Variants in OR8D4 observed in about 807,000 individuals in gnomAD.
OR8D4 encodes the protein olfactory receptor 8D4.
For synonymous variants in OR8D4, 141 were observed against 134.8 expected (o/e 1.05, Z -0.32); for missense variants, 359 against 372.6 (o/e 0.96, Z 0.30).
At position 123,907,028 on chromosome 11, in the gene OR8D4, T is replaced by A. The variant is rs774478447; in HGVS notation, c.597T>A (p.Ile199=). ...CSSTYIDELL[I]FVIGGFNMVA... is the part of the protein sequence containing the mutation. ...GCACTTATATTGATGAGCTTTTGAT[T>A]TTTGTCATTGGTGGATTTAACATGG... The change falls in exon 2 of 2, where the codon ATT becomes ATA. Residue 199 remains isoleucine (I), a synonymous_variant. Coordinates refer to ENST00000641687, the MANE Select transcript of OR8D4 (RefSeq NM_001005197.2). 4.3e-6 allele frequency: 7 copies of A among 1,614,088 alleles called. No homozygotes were observed. The highest frequency in any genetic ancestry group is 5.1e-6 in the Non-Finnish European group (6 of 1,179,944).
At chr11:123,904,982 A>G (rs575281434) in intron 1 of OR8D4, among the ~76,000 whole-genome samples, 4 of 152,194 alleles carry the variant, frequency 2.6e-5, no homozygotes, top group Non-Finnish European at 5.9e-5. Context: ...TCTCAGAGAT[A>G]AGGCCATGAT....
chr11:123,907,020 C>G lies in OR8D4; in HGVS notation c.589C>G (p.Leu197Val). Reference sequence around the variant, plus strand: ...CTGCTCCAGCACTTATATTGATGAGCTTTTGATTTTTGTCATTGGTGGATT... The same window carrying G: ...CTGCTCCAGCACTTATATTGATGAGGTTTTGATTTTTGTCATTGGTGGATT... ...LSCSSTYIDE[L>V]LIFVIGGFNM... The change falls in exon 2 of 2, where the codon CTT (leucine) becomes GTT (valine). Residue 197 changes from leucine to valine, a missense_variant. Transcript: ENST00000641687. 1 of 1,614,016 alleles carries G rather than the reference C, an allele frequency of 6.2e-7. No homozygotes were observed.
chr11:123,908,626 T>A lies in OR8D4; in HGVS notation c.*1250T>A, dbSNP rs1240063697. 1 of 152,194 alleles carries A rather than the reference T, an allele frequency of 6.6e-6. No homozygotes were observed. Among genetic ancestry groups the A allele is most frequent in the Non-Finnish European group, 1.5e-5 (1 of 68,034 alleles). 9.4% of individuals were successfully genotyped at this position (152,194 alleles called of 1,614,324 possible). ...AAGATGATAGATAATACAGAGGTAG[T>A]TCAGTGAACAAACATAATTATAGAT... On this transcript the variant is annotated 3_prime_UTR_variant, in exon 2 of 2. Transcript: ENST00000641687.
chr11:123,906,489 C>G lies in OR8D4; in HGVS notation c.58C>G (p.Gln20Glu). The G allele has an allele frequency of 6.2e-7, 1 of 1,613,520 alleles. No homozygotes were observed. The highest frequency in any genetic ancestry group is 1.1e-5 in the South Asian group (1 of 90,976). ...GTTTCTTCTTTCAGGATTAACTGAACAAGCAGAGCTTCAGCTGCCCCTCTT... is the reference window on the plus strand; with the variant it reads ...GTTTCTTCTTTCAGGATTAACTGAAGAAGCAGAGCTTCAGCTGCCCCTCTT... ...TEFLLSGLTE[Q>E]AELQLPLFCL... The change falls in exon 2 of 2, where the codon CAA (glutamine) becomes GAA (glutamate). Residue 20 changes from glutamine (Q) to glutamate (E), a missense_variant. By Grantham distance (29) the Gln-to-Glu change is conservative. Coordinates refer to ENST00000641687, the MANE Select transcript of OR8D4 (RefSeq NM_001005197.2).
rs1863229133 is a variant in OR8D4, at chr11:123,909,088, G to A, written c.*1712G>A. 6.6e-6 allele frequency: 1 copy of A among 152,164 alleles called. No individual in the cohort carries two copies. Among genetic ancestry groups the A allele is most frequent in the African/African-American group, 2.4e-5 (1 of 41,446 alleles). 9.4% of individuals were successfully genotyped at this position (152,164 alleles called of 1,614,324 possible). ...GTATGTTTGTGGGAAGGGTTAGATA[G>A]GGAAAGATAGTGCTATTGGCCAGAG... is the stretch of plus-strand genomic sequence containing the variant. On this transcript the variant is annotated 3_prime_UTR_variant, in exon 2 of 2. Coordinates refer to ENST00000641687, the MANE Select transcript of OR8D4 (RefSeq NM_001005197.2).
chr11:123,904,027 C>T lies in OR8D4; in HGVS notation c.-16+1770C>T, dbSNP rs570037531. 6.6e-5 allele frequency among the ~76,000 whole-genome samples: 10 copies of T among 152,186 alleles called. No individual in the cohort carries two copies. In the East Asian group the frequency reaches 1.2e-3, roughly 18 times the overall value. Reference sequence around the variant, plus strand: ...TCTAGGAGAAAATAACTGAAAATAGCGCCTCTCAAATGTTAATGCACTCAC... The same window carrying T: ...TCTAGGAGAAAATAACTGAAAATAGTGCCTCTCAAATGTTAATGCACTCAC... On this transcript the variant is annotated intron_variant, in intron 1 of 1. Coordinates refer to ENST00000641687, the MANE Select transcript of OR8D4 (RefSeq NM_001005197.2).
chr11:123,905,882 G>A (rs1167801863), intron 1 of OR8D4, among the ~76,000 whole-genome samples: 1 of 152,112 alleles, frequency 6.6e-6, no homozygotes, highest in Non-Finnish European at 1.5e-5. Flanking sequence ...ACTATCACCA[G>A]ACACCTGCAA....
At position 123,902,259 on chromosome 11, in the gene OR8D4, T is replaced by A. The variant is rs560082669; in HGVS notation, c.-16+2T>A. On this transcript the variant is annotated splice_donor_variant, in intron 1 of 1. Transcript: ENST00000641687. LOFTEE classifies it low-confidence loss of function (5UTR_SPLICE). ...CCTACAGTCTTCAGGAGGAAAAAGG[T>A]GAGCTTCAGAATTATGATGTTCATA... The A allele has an allele frequency of 6.6e-6, 1 of 152,122 alleles. No homozygotes were observed. The highest frequency in any genetic ancestry group is 1.5e-5 in the Non-Finnish European group (1 of 68,012). The allele number at this position is 152,122 out of a possible 1,614,324, so 9.4% of individuals were successfully genotyped here.
chr11:123,906,337 A>G (rs1863197809), intron 1 of OR8D4, 80 bp from the exon 2 acceptor site: 13 of 870,068 alleles, frequency 1.5e-5, no homozygotes, highest in Non-Finnish European at 2.3e-5. Context: ...CAGTGTTTTC[A>G]TAGAGAGAAA....
chr11:123,905,863 C>A (rs1863194534), intron 1 of OR8D4, among the ~76,000 whole-genome samples: 1 of 152,162 alleles, frequency 6.6e-6, no homozygotes, highest in Admixed American at 6.5e-5. Context: ...CACAGTCTTC[C>A]TGCATCCAAC....
intron 1 of OR8D4, chr11:123,906,052 T>C (rs1863195849): frequency 5.5e-6 from 1 of 181,630 alleles, no homozygotes; most frequent in Non-Finnish European, 1.1e-5. Context: ...TTTTCCTACT[T>C]TCTCTAATTA....
chr11:123,906,700 G>C lies in OR8D4; in HGVS notation c.269G>C (p.Arg90Thr). The C allele has an allele frequency of 2.5e-6, 4 of 1,613,934 alleles. No individual in the cohort carries two copies. Among genetic ancestry groups the C allele is most frequent in the Non-Finnish European group, 3.4e-6 (4 of 1,179,818 alleles). ...CTATCAGGGTTTTTATGCAGAGATA[G>C]ATCCATCTCCTATTCTGGATGCATG... Reference protein sequence around the residue: ...KMLSGFLCRDRSISYSGCMIQ... With the variant: ...KMLSGFLCRDTSISYSGCMIQ... The change falls in exon 2 of 2, where the codon AGA becomes ACA. Residue 90 changes from arginine (R) to threonine (T), a missense_variant. Physicochemically the swap from Arg to Thr is moderately conservative, Grantham distance 71 (BLOSUM62 -1). Transcript: ENST00000641687.
chr11:123,906,926 G>A lies in OR8D4; in HGVS notation c.495G>A (p.Arg165=). The A allele has an allele frequency of 6.2e-7, 1 of 1,613,996 alleles. No homozygotes were observed. The highest frequency in any genetic ancestry group is 8.5e-7 in the Non-Finnish European group (1 of 1,179,946). ...DAVIHGGCIL[R]LSFCGSNIIK... ...TGATCCATGGAGGTTGTATACTCAGGTTGTCTTTCTGTGGATCAAACATCA... is the reference window on the plus strand; with the variant it reads ...TGATCCATGGAGGTTGTATACTCAGATTGTCTTTCTGTGGATCAAACATCA... Residue 165 remains arginine (R), a synonymous_variant, in exon 2 of 2, where the codon AGG becomes AGA. Coordinates refer to ENST00000641687, the MANE Select transcript of OR8D4 (RefSeq NM_001005197.2).
At chr11:123,903,258 G>C (rs1863175577) in intron 1 of OR8D4, among the ~76,000 whole-genome samples, 1 of 152,068 alleles carries the variant, frequency 6.6e-6, no homozygotes, top group Admixed American at 6.6e-5. Context: ...AGCATTCAGG[G>C]ATTTTGGTAT....
rs771666521 is a variant in OR8D4, at chr11:123,906,792, G to A, written c.361G>A (p.Asp121Asn). 5 of 1,613,494 alleles carry A rather than the reference G, an allele frequency of 3.1e-6. No homozygotes were observed. The East Asian group carries it at 6.7e-5, about 22-fold the overall frequency. The change falls in exon 2 of 2, where the codon GAT becomes AAT. Residue 121 changes from aspartate (D) to asparagine (N), a missense_variant. Coordinates refer to ENST00000641687, the MANE Select transcript of OR8D4 (RefSeq NM_001005197.2). ...ECYMLAAMACDRYVAICSPLL... is the reference protein window; with the variant it reads ...ECYMLAAMACNRYVAICSPLL... ...CTACATGCTGGCAGCCATGGCCTGCGATCGCTACGTGGCCATCTGCAGCCC... is the reference window on the plus strand; with the variant it reads ...CTACATGCTGGCAGCCATGGCCTGCAATCGCTACGTGGCCATCTGCAGCCC...
chr11:123,907,634 C>T lies in OR8D4; in HGVS notation c.*258C>T, dbSNP rs189045009. On this transcript the variant is annotated 3_prime_UTR_variant, in exon 2 of 2. Transcript: ENST00000641687. ...TGGTGGTGGGCACCTGTAATCCCACCTACTTGGGAGGCTGAGGCAGAAGAA... is the reference window on the plus strand; with the variant it reads ...TGGTGGTGGGCACCTGTAATCCCACTTACTTGGGAGGCTGAGGCAGAAGAA... 1 of 173,406 alleles carries T rather than the reference C, an allele frequency of 5.8e-6. No individual in the cohort carries two copies. Among genetic ancestry groups the T allele is most frequent in the Non-Finnish European group, 1.2e-5 (1 of 83,080 alleles). The allele number at this position is 173,406 out of a possible 1,614,324, so 10.7% of individuals were successfully genotyped here.
At position 123,907,426 on chromosome 11, in the gene OR8D4, G is replaced by A. The variant is rs780942600; in HGVS notation, c.*50G>A. ...TCTGTATTCATAATCATGATTATATGTATATATTTATACCTTGACTATTTA... is the reference window on the plus strand; with the variant it reads ...TCTGTATTCATAATCATGATTATATATATATATTTATACCTTGACTATTTA... On this transcript the variant is annotated 3_prime_UTR_variant, in exon 2 of 2. Transcript: ENST00000641687. 2.5e-6 allele frequency: 2 copies of A among 791,982 alleles called. No homozygotes were observed. Among genetic ancestry groups the A allele is most frequent in the Non-Finnish European group, 4.0e-6 (2 of 499,706 alleles). 49.1% of individuals were successfully genotyped at this position (791,982 alleles called of 1,614,324 possible). A position where few individuals can be genotyped will look rare whatever the true frequency, so the allele number is the denominator to read the frequency against.
Position 123,906,974 on chromosome 11 carries a change from T to G in OR8D4, c.543T>G (p.Ile181Met). 1 of 1,614,114 alleles carries G rather than the reference T, an allele frequency of 6.2e-7. No homozygotes were observed. The highest frequency in any genetic ancestry group is 8.5e-7 in the Non-Finnish European group (1 of 1,179,966). Residue 181 changes from isoleucine to methionine, a missense_variant, in exon 2 of 2, where the codon ATT becomes ATG. Physicochemically the swap from Ile to Met is conservative, Grantham distance 10. Coordinates refer to ENST00000641687, the MANE Select transcript of OR8D4 (RefSeq NM_001005197.2). ...TCATTAAACATTATTTCTGTGACAT[T>G]GTCCCTCTTATTAAACTCTCCTGCT... ...SNIIKHYFCD[I>M]VPLIKLSCSS...
chr11:123,905,052 A>C (rs1377604), intron 1 of OR8D4, among the ~76,000 whole-genome samples: 111,879 of 152,132 alleles, frequency 0.74, 41,500 homozygotes, highest in African/African-American at 0.81. Flanking sequence ...AGTGGCAACA[A>C]AAACATCTGG....
Sources: gnomAD v4.1 joint callset for allele counts (sites outside exome capture counted in the v4.1 genomes callset) on GRCh38, gnomAD v4.1.1 for gene constraint, MANE v1.5 for transcripts, NCBI Gene and HGNC (gene_info 2026-07-23, HGNC 2026-07-21) for gene names.